Variants in DNAAF5 observed in about 807,000 individuals in gnomAD.
The protein encoded by DNAAF5 is HEAT repeat containing 2.
DNAAF5 carries 64 observed loss-of-function variants against 75.8 expected under a neutral mutation model. That is an observed-to-expected ratio of 0.84 (90% CI 0.69 to 1.04). The LOEUF is 1.04. Among genes scored for constraint, DNAAF5 ranks in the 50% least tolerant of loss-of-function variants. DNAAF5 has a pLI of 0.00. For missense variants in DNAAF5, 1,269 were observed against 1,178.5 expected (o/e 1.08, Z -1.12); for synonymous variants, 657 against 557.2 (o/e 1.18, Z -2.52).
intron 3 of DNAAF5, 56 bp from the exon 4 acceptor site, chr7:741,291 C>T (rs1040571651): frequency 1.3e-5 from 17 of 1,326,558 alleles, no homozygotes; most frequent in Admixed American, 5.8e-5. Flanking sequence ...CGCAGCCCTG[C>T]GGCCTCCCCT....
At chr7:746,321 CCGT>C (rs1782103968) in intron 4 of DNAAF5, among the ~76,000 whole-genome samples, 3 of 144,194 alleles carry the variant, frequency 2.1e-5, no homozygotes, top group African/African-American at 7.8e-5. Context: ...TTTCCCCCGC[CCGT>C]CATGCCCAGG....
At chr7:756,650 A>G (rs1458834488) in intron 5 of DNAAF5, 132 bp from the exon 6 acceptor site, 33 of 773,564 alleles carry the variant, frequency 4.3e-5, no homozygotes, top group African/African-American at 1.7e-4. Flanking sequence ...GCATGTGCCA[A>G]GGACTCACTC....
At chr7:755,590 A>G (rs7795258) in intron 5 of DNAAF5, among the ~76,000 whole-genome samples, 120,596 of 152,108 alleles carry the variant, frequency 0.79, 47,979 homozygotes, top group South Asian at 0.86. Context: ...TTACTAGCCC[A>G]GCGTAGTGGC....
intron 1 of DNAAF5, among the ~76,000 whole-genome samples, chr7:728,647 T>C (rs1416167652): frequency 2.0e-5 from 3 of 152,210 alleles, no homozygotes; most frequent in African/African-American, 4.8e-5. Context: ...ACCCAGTCTG[T>C]ACATCAGCCC....
chr7:768,274 G>A (rs1331771643), intron 8 of DNAAF5, among the ~76,000 whole-genome samples: 2 of 151,456 alleles, frequency 1.3e-5, no homozygotes, highest in Non-Finnish European at 2.9e-5. Flanking sequence ...CTAGCGCTGG[G>A]AGGGGAGACA....
At chr7:733,370 G>A (rs1346681006) in intron 2 of DNAAF5, among the ~76,000 whole-genome samples, 4 of 152,188 alleles carry the variant, frequency 2.6e-5, no homozygotes, top group African/African-American at 9.7e-5. Flanking sequence ...ATTGCGTTGA[G>A]TCTGTAAATT....
At chr7:749,685 T>G (rs921353084) in intron 4 of DNAAF5, among the ~76,000 whole-genome samples, 12 of 152,172 alleles carry the variant, frequency 7.9e-5, no homozygotes, top group African/African-American at 2.4e-4. Flanking sequence ...CCGGGGGTGT[T>G]ACAGAAGAAG....
chr7:732,053 A>G (rs922150878), intron 2 of DNAAF5, among the ~76,000 whole-genome samples: 2 of 152,154 alleles, frequency 1.3e-5, no homozygotes, highest in African/African-American at 2.4e-5. Flanking sequence ...ACTTCACTGG[A>G]AGGGCCTGGA....
intron 5 of DNAAF5, among the ~76,000 whole-genome samples, chr7:755,276 G>C (rs562593998): frequency 3.3e-5 from 5 of 152,172 alleles, no homozygotes; most frequent in African/African-American, 1.2e-4. Context: ...TGTCCCTGGT[G>C]CAGTCCTCTT....
chr7:752,960 G>A (rs1221361230), intron 4 of DNAAF5, among the ~76,000 whole-genome samples: 1 of 152,232 alleles, frequency 6.6e-6, no homozygotes, highest in Non-Finnish European at 1.5e-5. Flanking sequence ...TGAAGAAGAC[G>A]CTCGGCGTCG....
chr7:730,984 G>A lies in DNAAF5; in HGVS notation c.780+1137G>A, dbSNP rs138499897. 3.3e-3 allele frequency among the ~76,000 whole-genome samples: 497 copies of A among 152,334 alleles called. 3 individuals carry two copies. The highest frequency in any genetic ancestry group is 0.011 in the African/African-American group (469 of 41,574). On this transcript the variant is annotated intron_variant, in intron 2 of 12. Transcript: ENST00000297440. ...TGCGGGGTCAGTGTCCATGCTGCCC[G>A]GCACTTGCAGCAGGCACTTCTGGCA...
At chr7:749,929 C>T (rs538196983) in intron 4 of DNAAF5, among the ~76,000 whole-genome samples, 1 of 152,304 alleles carries the variant, frequency 6.6e-6, no homozygotes, top group African/African-American at 2.4e-5. Context: ...CAACTCCTGG[C>T]CTCAGGTGAT....
At position 754,162 on chromosome 7, in the gene DNAAF5, G is replaced by A. The variant is rs1197129025; in HGVS notation, c.1025-427G>A. ...AAGTGTGTTGTTTGCATCTCTGTGTGGCTCTAAATGTTTGTTTTTTGAGAC... is the reference window on the plus strand; with the variant it reads ...AAGTGTGTTGTTTGCATCTCTGTGTAGCTCTAAATGTTTGTTTTTTGAGAC... On this transcript the variant is annotated intron_variant, in intron 4 of 12. Transcript: ENST00000297440. This position sits in a 1 kb window ranked among gnomAD's most constrained non-coding sequence, Gnocchi z 4.8. 6.6e-6 allele frequency among the ~76,000 whole-genome samples: 1 copy of A among 152,234 alleles called. No homozygotes were observed. The highest frequency in any genetic ancestry group is 2.4e-5 in the African/African-American group (1 of 41,462).
chr7:770,400 G>T, intron 8 of DNAAF5, 71 bp from the exon 9 acceptor site: 1 of 1,485,652 alleles, frequency 6.7e-7, no homozygotes, highest in Non-Finnish European at 9.1e-7. Context: ...CCTGAGCCTG[G>T]GCCTGTGCTG....
intron 2 of DNAAF5, among the ~76,000 whole-genome samples, chr7:737,700 AG>A (rs1433957065): frequency 1.3e-5 from 2 of 152,168 alleles, no homozygotes; most frequent in Non-Finnish European, 2.9e-5. Context: ...CTAGGGTAAA[AG>A]TTTACTTTCC....
rs1292858832 is a variant in DNAAF5 at position 775,080 on chromosome 7, G to C, written c.2157G>C (p.Leu719=). The C allele has an allele frequency of 1.9e-6, 3 of 1,613,932 alleles. 1 individual carries two copies. In the South Asian group the frequency reaches 3.3e-5, roughly 18 times the overall value. The part of the protein sequence containing the change: ...TLEEDSKMTR[L]ISCRIINTFL... ...AGGAGGATTCGAAGATGACGCGACT[G>C]ATCTCATGCCGTATTATCAACACGT... Residue 719 remains leucine (L), a synonymous_variant, in exon 11 of 13, where the codon CTG becomes CTC. Coordinates refer to ENST00000297440, the MANE Select transcript of DNAAF5 (RefSeq NM_017802.4).
At position 754,595 on chromosome 7, in the gene DNAAF5, G is replaced by A. The variant is rs200002909; in HGVS notation, c.1031G>A (p.Arg344His). ...TTTCCCTTTTTCGTTCCAGAGCGCC[G>A]CCCTGTGCTGGGCTGCCGGGAGCTC... is the stretch of plus-strand genomic sequence containing the variant. ...TPPHYPPHER[R>H]PVLGCRELVF... Residue 344 changes from arginine to histidine, a missense_variant, in exon 5 of 13, where the codon CGC (arginine) becomes CAC (histidine). By Grantham distance (29) the Arg-to-His change is conservative. Coordinates refer to ENST00000297440, the MANE Select transcript of DNAAF5 (RefSeq NM_017802.4). The surrounding 1 kb of genome is among the most constrained non-coding windows in gnomAD (Gnocchi z 4.8). The A allele has an allele frequency of 1.4e-5, 22 of 1,613,680 alleles. No individual in the cohort carries two copies. In the African/African-American group the frequency reaches 2.4e-4, roughly 18 times the overall value.
intron 7 of DNAAF5, among the ~76,000 whole-genome samples, chr7:762,530 G>A (rs546898861): frequency 6.6e-6 from 1 of 151,670 alleles, no homozygotes; most frequent in South Asian, 2.1e-4. Context: ...TGACTGAGTC[G>A]AGAGAAGATA....
At chr7:782,738 C>T (rs1779012864) in intron 12 of DNAAF5, among the ~76,000 whole-genome samples, 1 of 131,010 alleles carries the variant, frequency 7.6e-6, no homozygotes, top group Non-Finnish European at 1.6e-5. Context: ...GGCCGCCTCC[C>T]GTCACGCAGC....
Sources: gnomAD v4.1 joint callset for allele counts (sites outside exome capture counted in the v4.1 genomes callset) on GRCh38, gnomAD v4.1.1 for gene constraint, Gnocchi (gnomAD v3.1) non-coding constraint, MANE v1.5 for transcripts, NCBI Gene and HGNC (gene_info 2026-07-23, HGNC 2026-07-21) for gene names.